The following KHDRBS2 variants were observed in gnomAD, a reference collection of about 807,000 sequenced individuals.
The protein encoded by KHDRBS2 is KH RNA binding domain containing, signal transduction associated 2, also known as KH domain-containing, RNA-binding, signal transduction-associated protein 2.
A neutral mutation model predicts 44.3 loss-of-function variants in KHDRBS2; 26 were observed. The observed-to-expected ratio is 0.59, with a 90% CI of 0.43 to 0.81. The LOEUF is 0.81. Ranked by LOEUF, KHDRBS2 falls within the 40% of genes least tolerant of loss-of-function variation. The pLI, the probability that KHDRBS2 is intolerant of heterozygous loss-of-function variation, is 0.00. For synonymous variants in KHDRBS2, 194 were observed against 151.1 expected, an observed-to-expected ratio of 1.28 and a Z score of -2.08; for missense variants, 476 against 433.1, an observed-to-expected ratio of 1.10 and a Z score of -0.88.
At chr6:62,020,257 G>A (rs1054528030) in intron 3 of KHDRBS2, among the ~76,000 whole-genome samples, 1 of 151,962 alleles carries the variant, frequency 6.6e-6, no homozygotes, top group African/African-American at 2.4e-5. Flanking sequence ...TTATTTTCCA[G>A]AGGTAACATA....
intron 1 of KHDRBS2, among the ~76,000 whole-genome samples, chr6:62,221,705 G>A (rs1244613762): frequency 1.3e-5 from 2 of 152,044 alleles, no homozygotes; most frequent in African/African-American, 4.8e-5. Context: ...CACTGTTGTA[G>A]TCAAATTTCA....
chr6:61,574,338 G>T, the KHDRBS2 span: 1 of 1,528,712 alleles, frequency 6.5e-7, no homozygotes, highest in Non-Finnish European at 8.8e-7. Context: ...ATGGCTCGAC[G>T]AGGTTTCAGC....
intron 1 of KHDRBS2, among the ~76,000 whole-genome samples, chr6:62,280,237 T>A (rs1380313387): frequency 6.6e-6 from 1 of 151,840 alleles, no homozygotes; most frequent in African/African-American, 2.4e-5. Flanking sequence ...CGTCAAGGGG[T>A]ATGGACTACG....
intron 1 of KHDRBS2, among the ~76,000 whole-genome samples, chr6:62,223,786 G>A (rs898560664): frequency 3.9e-5 from 6 of 152,126 alleles, no homozygotes; most frequent in African/African-American, 1.4e-4. Context: ...CCTGAGAAGA[G>A]TCACCTTTGT....
chr6:61,753,985 T>C (rs1198780328), intron 6 of KHDRBS2, among the ~76,000 whole-genome samples: 3 of 152,068 alleles, frequency 2.0e-5, no homozygotes, highest in Non-Finnish European at 4.4e-5. Flanking sequence ...CAAGAAATGC[T>C]GACAGCCACC....
intron 3 of KHDRBS2, among the ~76,000 whole-genome samples, chr6:61,992,417 A>G (rs1033576383): frequency 2.0e-5 from 3 of 152,176 alleles, no homozygotes; most frequent in Non-Finnish European, 4.4e-5. Flanking sequence ...ATATTTAGCT[A>G]GACTCCACAG....
chr6:62,152,927 C>T (rs1815534496), intron 2 of KHDRBS2, among the ~76,000 whole-genome samples: 1 of 152,180 alleles, frequency 6.6e-6, no homozygotes, highest in African/African-American at 2.4e-5. Context: ...TATTTAGATT[C>T]TATGAACACA....
At chr6:61,615,747 G>C in the KHDRBS2 span, among the ~76,000 whole-genome samples, 9 of 152,200 alleles carry the variant, frequency 5.9e-5, no homozygotes, top group South Asian at 1.9e-3. Context: ...ATGCTCAAGT[G>C]GTAAGTATAT....
intron 8 of KHDRBS2, among the ~76,000 whole-genome samples, chr6:61,683,192 C>T (rs539663711): frequency 5.4e-4 from 82 of 151,802 alleles, no homozygotes; most frequent in African/African-American, 1.8e-3. Flanking sequence ...CAATCATGAG[C>T]GGAGTGACAG....
intron 2 of KHDRBS2, among the ~76,000 whole-genome samples, chr6:62,065,575 T>C (rs1346256177): frequency 7.9e-5 from 11 of 138,634 alleles, no homozygotes; most frequent in African/African-American, 1.4e-4. Context: ...TAGGTGGGAA[T>C]TGAACAATGA....
chr6:61,549,088 A>T, the KHDRBS2 span, among the ~76,000 whole-genome samples: 4 of 152,208 alleles, frequency 2.6e-5, no homozygotes, highest in Non-Finnish European at 5.9e-5. Context: ...AAATACGGTG[A>T]ATAATGCAAT....
chr6:61,682,576 C>T (rs537518268), intron 8 of KHDRBS2, among the ~76,000 whole-genome samples: 3 of 151,932 alleles, frequency 2.0e-5, no homozygotes, highest in African/African-American at 7.2e-5. Flanking sequence ...TTGTCTATTG[C>T]TGCTTTCACG....
intron 2 of KHDRBS2, among the ~76,000 whole-genome samples, chr6:62,128,060 A>T (rs560997213): frequency 2.0e-5 from 3 of 152,270 alleles, no homozygotes; most frequent in African/African-American, 7.2e-5. Flanking sequence ...ACATGATTCT[A>T]ATGCAGAAAC....
intron 2 of KHDRBS2, among the ~76,000 whole-genome samples, chr6:62,116,126 T>C (rs1223981837): frequency 6.6e-6 from 1 of 152,130 alleles, no homozygotes; most frequent in African/African-American, 2.4e-5. Flanking sequence ...TTATATTGTA[T>C]GCATACAAAC....
At chr6:62,006,828 A>T (rs1779322466) in intron 3 of KHDRBS2, among the ~76,000 whole-genome samples, 1 of 152,054 alleles carries the variant, frequency 6.6e-6, no homozygotes, top group African/African-American at 2.4e-5. Flanking sequence ...ATATCAAAGG[A>T]TGATGGTGGA....
In KHDRBS2 at chr6:62,194,208, ACATTT is replaced by A; in HGVS notation, c.92-16901_92-16897del. 2.0e-5 allele frequency among the ~76,000 whole-genome samples: 3 copies of A among 152,100 alleles called. No homozygotes were observed. In the Middle Eastern group the frequency reaches 0.01, roughly 517 times the overall value. ...CAGGAGTTTTATAACTTCAGCTCTT[ACATTT>A]ATTTCTTTTATCCATATTGAGCTAA... On this transcript the variant is annotated intron_variant, in intron 1 of 8. Transcript: ENST00000281156.
Position 61,771,651 on chromosome 6 carries a change from T to C in KHDRBS2, c.811-38887A>G, listed in dbSNP as rs181020443. 1.8e-3 allele frequency among the ~76,000 whole-genome samples: 269 copies of C among 152,202 alleles called. 1 individual carries two copies. Among genetic ancestry groups the C allele is most frequent in the African/African-American group, 6.1e-3 (255 of 41,530 alleles). Reference sequence around the variant, plus strand: ...AGAAGAGCTAACTATCCTAAATATATATGCACCCAATACAGGAGCACCCAG... The same window carrying C: ...AGAAGAGCTAACTATCCTAAATATACATGCACCCAATACAGGAGCACCCAG... On this transcript the variant is annotated intron_variant, in intron 6 of 8. Coordinates refer to ENST00000281156, the MANE Select transcript of KHDRBS2 (RefSeq NM_152688.4).
chr6:61,895,410 A>G (rs1802769772), intron 5 of KHDRBS2, among the ~76,000 whole-genome samples: 1 of 152,224 alleles, frequency 6.6e-6, no homozygotes, highest in Non-Finnish European at 1.5e-5. Flanking sequence ...GTTTGAGATT[A>G]CTTGAAATCA....
chr6:61,865,016 A>G (rs1015364577), intron 6 of KHDRBS2, among the ~76,000 whole-genome samples: 1 of 151,968 alleles, frequency 6.6e-6, no homozygotes, highest in Non-Finnish European at 1.5e-5. Flanking sequence ...CTTATTTCAG[A>G]CAGTCTTCAA....
Sources: gnomAD v4.1 joint callset for allele counts (sites outside exome capture counted in the v4.1 genomes callset) on GRCh38, gnomAD v4.1.1 for gene constraint, MANE v1.5 for transcripts, NCBI Gene and HGNC (gene_info 2026-07-23, HGNC 2026-07-21) for gene names.